MRM3: variants seen among roughly 807,000 people sequenced by gnomAD.
MRM3 encodes the protein rRNA methyltransferase 3, mitochondrial.
In MRM3, 26 loss-of-function variants were observed where a neutral mutation model predicts 29.4. The observed-to-expected ratio is 0.89, with a 90% CI of 0.65 to 1.23. The LOEUF (loss-of-function observed/expected upper bound fraction) is 1.23. Among genes scored for constraint, MRM3 ranks in the 50% most tolerant of loss-of-function variants. The pLI, the probability that MRM3 is intolerant of heterozygous loss-of-function variation, is 0.00. For synonymous variants in MRM3, 225 were observed against 219.0 expected (o/e 1.03, Z -0.24); for missense variants, 578 against 540.2 (o/e 1.07, Z -0.69).
At position 783,175 on chromosome 17, in the gene MRM3, A is replaced by G; in HGVS notation, c.407A>G (p.Lys136Arg). 6.2e-7 allele frequency: 1 copy of G among 1,614,158 alleles called. No homozygotes were observed. Among genetic ancestry groups the G allele is most frequent in the Non-Finnish European group, 8.5e-7 (1 of 1,180,036 alleles). ...CGCAGGCTCATTTCAGACGCTCTCA[A>G]GGCTGGAGCTGTGCCAAAAATGTTC... is the stretch of plus-strand genomic sequence containing the variant. ...EGRRLISDAL[K>R]AGAVPKMFFF... is the part of the protein sequence containing the mutation. Residue 136 changes from lysine (K) to arginine (R), a missense_variant, in exon 2 of 4, where the codon AAG (lysine) becomes AGG (arginine). Lys to Arg is a conservative substitution (Grantham distance 26). Transcript: ENST00000304478.
chr17:788,471 TC>T (rs1188351149), intron 3 of MRM3, among the ~76,000 whole-genome samples: 3 of 147,404 alleles, frequency 2.0e-5, no homozygotes, highest in East Asian at 4.0e-4. Flanking sequence ...GTTGGTCTGG[TC>T]TTTTTTTTTT....
chr17:783,857 CCTT>C (rs1217758500), intron 2 of MRM3, among the ~76,000 whole-genome samples: 2 of 152,140 alleles, frequency 1.3e-5, no homozygotes, highest in African/African-American at 2.4e-5. Flanking sequence ...ATTCCTCAAA[CCTT>C]CTATTTTTTA....
intron 2 of MRM3, among the ~76,000 whole-genome samples, chr17:786,467 G>A (rs186871986): frequency 2.0e-5 from 3 of 152,240 alleles, no homozygotes; most frequent in East Asian, 1.9e-4. Flanking sequence ...AGTAGAGACA[G>A]GGTTTCACCG....
At position 791,838 on chromosome 17, in the gene MRM3, G is replaced by A. The variant is rs201597165; in HGVS notation, c.1032G>A (p.Ser344=). 1.9e-6 allele frequency: 3 copies of A among 1,614,172 alleles called. No individual in the cohort carries two copies. Among genetic ancestry groups the A allele is most frequent in the African/African-American group, 2.7e-5 (2 of 75,042 alleles). ...LPHVEVQSYD[S]DWTEAPAAVV... is the part of the protein sequence containing the mutation. ...ATGTTGAGGTTCAGAGTTACGACTCGGACTGGACAGAGGCGCCGGCAGCTG... is the reference window on the plus strand; with the variant it reads ...ATGTTGAGGTTCAGAGTTACGACTCAGACTGGACAGAGGCGCCGGCAGCTG... The change falls in exon 4 of 4, where the codon TCG becomes TCA. Residue 344 remains serine (S), a synonymous_variant. Transcript: ENST00000304478.
intron 3 of MRM3, among the ~76,000 whole-genome samples, chr17:791,142 C>T (rs1297502471): frequency 6.6e-6 from 1 of 152,138 alleles, no homozygotes; most frequent in East Asian, 1.9e-4. Context: ...TCCTCATCGC[C>T]CTGCTTTGTC....
At chr17:785,892 G>T (rs895496461) in intron 2 of MRM3, among the ~76,000 whole-genome samples, 1 of 152,182 alleles carries the variant, frequency 6.6e-6, no homozygotes, top group Non-Finnish European at 1.5e-5. Flanking sequence ...AGGAAGATGG[G>T]CACAGGTTGT....
chr17:787,541 T>G lies in MRM3; in HGVS notation c.560-424T>G, dbSNP rs1400635182. ...TTTGCCAATCAGAATGTATTCGTGG[T>G]TTTTTTTTTCCTTTTTTTTCTTTTT... On this transcript the variant is annotated intron_variant, in intron 2 of 3. Transcript: ENST00000304478. The surrounding 1 kb of genome is among the most constrained non-coding windows in gnomAD (Gnocchi z 4.1). Among the ~76,000 whole-genome samples, 1 of 149,334 alleles carries G rather than the reference T, an allele frequency of 6.7e-6. No individual in the cohort carries two copies. The highest frequency in any genetic ancestry group is 2.1e-4 in the South Asian group (1 of 4,712).
Position 782,369 on chromosome 17 carries a change from C to A in MRM3, c.-10C>A. Reference sequence around the variant, plus strand: ...CGCGCTTTCGTGACGCAGCCCGGGTCTCAGGGAACATGGCGGCGCTGGTGA... The same window carrying A: ...CGCGCTTTCGTGACGCAGCCCGGGTATCAGGGAACATGGCGGCGCTGGTGA... On this transcript the variant is annotated 5_prime_UTR_variant, in exon 1 of 4. Transcript: ENST00000304478. The A allele has an allele frequency of 6.2e-7, 1 of 1,613,524 alleles. No homozygotes were observed. Among genetic ancestry groups the A allele is most frequent in the South Asian group, 1.1e-5 (1 of 91,034 alleles).
intron 3 of MRM3, among the ~76,000 whole-genome samples, chr17:789,134 A>G (rs901472184): frequency 6.6e-6 from 1 of 152,308 alleles, no homozygotes; most frequent in Admixed American, 6.5e-5. Flanking sequence ...CATGTTTATT[A>G]TCTTTTAAAA....
chr17:791,024 G>A (rs535512760), intron 3 of MRM3, among the ~76,000 whole-genome samples: 25 of 152,156 alleles, frequency 1.6e-4, no homozygotes, highest in Middle Eastern at 3.4e-3. Context: ...CTGATTGGCC[G>A]GCTCACCATG....
intron 2 of MRM3, among the ~76,000 whole-genome samples, chr17:786,569 C>T (rs1910544743): frequency 6.6e-6 from 1 of 152,248 alleles, no homozygotes; most frequent in South Asian, 2.1e-4. Flanking sequence ...GCTACCGTGC[C>T]TGGCCTAATT....
intron 3 of MRM3, among the ~76,000 whole-genome samples, chr17:788,764 G>T (rs566039084): frequency 9.7e-4 from 147 of 152,196 alleles, no homozygotes; most frequent in African/African-American, 3.4e-3. Flanking sequence ...CCATTGTTAG[G>T]TGAGCTAGGG....
rs539226065 is a variant in MRM3, at chr17:791,569, G to T, written c.763G>T (p.Ala255Ser). 13 of 1,614,126 alleles carry T rather than the reference G, an allele frequency of 8.1e-6. No homozygotes were observed. In the African/African-American group the frequency reaches 9.3e-5, roughly 12 times the overall value. ...TGCCTGGGAGCCCAAAGTGCTCCGG[G>T]CGGGTATGGGCGCACATTTCCGGAT... Reference protein sequence around the residue: ...VDAWEPKVLRAGMGAHFRMPI... With the variant: ...VDAWEPKVLRSGMGAHFRMPI... Residue 255 changes from alanine (A) to serine (S), a missense_variant, in exon 4 of 4, where the codon GCG (alanine) becomes TCG (serine). Coordinates refer to ENST00000304478, the MANE Select transcript of MRM3 (RefSeq NM_018146.4).
intron 3 of MRM3, among the ~76,000 whole-genome samples, chr17:789,207 C>G (rs1035732338): frequency 6.6e-6 from 1 of 152,094 alleles, no homozygotes; most frequent in Non-Finnish European, 1.5e-5. Context: ...GAAATAGATG[C>G]CAATTTTAAC....
intron 3 of MRM3, among the ~76,000 whole-genome samples, chr17:788,509 T>C (rs965703366): frequency 6.8e-6 from 1 of 146,482 alleles, no homozygotes; most frequent in Non-Finnish European, 1.5e-5. Context: ...AGAGATGGGG[T>C]CTCACTATGT....
chr17:788,095 A>G lies in MRM3; in HGVS notation c.690A>G (p.Ala230=). The change falls in exon 3 of 4, where the codon GCA becomes GCG. Residue 230 remains alanine, a synonymous_variant. Transcript: ENST00000304478. ...ACCTGGGGACAATTCTGAGATCTGCAGCTGGGGCAGGCTGCAGCAAAGTGT... is the reference window on the plus strand; with the variant it reads ...ACCTGGGGACAATTCTGAGATCTGCGGCTGGGGCAGGCTGCAGCAAAGTGT... The part of the protein sequence containing the change: ...PGNLGTILRS[A]AGAGCSKVLL... 6.2e-7 allele frequency: 1 copy of G among 1,614,212 alleles called. No individual in the cohort carries two copies. Among genetic ancestry groups the G allele is most frequent in the Admixed American group, 1.7e-5 (1 of 60,020 alleles).
At position 787,797 on chromosome 17, in the gene MRM3, C is replaced by T. The variant is rs1910608709; in HGVS notation, c.560-168C>T. Reference sequence around the variant, plus strand: ...CTCCTGACCTCAGGTGATCCACCCGCCTTGGCCTCCCGAAGTGTTGGGATT... The same window carrying T: ...CTCCTGACCTCAGGTGATCCACCCGTCTTGGCCTCCCGAAGTGTTGGGATT... On this transcript the variant is annotated intron_variant, in intron 2 of 3. Transcript: ENST00000304478. This position sits in a 1 kb window ranked among gnomAD's most constrained non-coding sequence, Gnocchi z 4.1. 6.6e-6 allele frequency among the ~76,000 whole-genome samples: 1 copy of T among 152,220 alleles called. No homozygotes were observed. Among genetic ancestry groups the T allele is most frequent in the Non-Finnish European group, 1.5e-5 (1 of 68,026 alleles).
rs144615077 is a variant in MRM3 at position 791,886 on chromosome 17, C to T, written c.1080C>T (p.Tyr360=). The T allele has an allele frequency of 9.9e-6, 16 of 1,613,736 alleles. No individual in the cohort carries two copies. The highest frequency in any genetic ancestry group is 1.7e-5 in the Admixed American group (1 of 60,006). ...PAAVVIGGET[Y]GVSLESLQLA... Reference sequence around the variant, plus strand: ...CTGTGGTGATTGGCGGGGAGACCTACGGCGTGAGCCTGGAGTCCCTGCAGC... The same window carrying T: ...CTGTGGTGATTGGCGGGGAGACCTATGGCGTGAGCCTGGAGTCCCTGCAGC... The change falls in exon 4 of 4, where the codon TAC becomes TAT. Residue 360 remains tyrosine (Y), a synonymous_variant. Coordinates refer to ENST00000304478, the MANE Select transcript of MRM3 (RefSeq NM_018146.4).
intron 3 of MRM3, among the ~76,000 whole-genome samples, chr17:788,372 A>G (rs1910636786): frequency 6.6e-6 from 1 of 151,960 alleles, no homozygotes; most frequent in Non-Finnish European, 1.5e-5. Context: ...GTCAAAGCTC[A>G]TCACATGTCA....
Sources: allele counts gnomAD v4.1 joint callset (sites outside exome capture counted in the v4.1 genomes callset), GRCh38; gene constraint gnomAD v4.1.1; non-coding constraint Gnocchi (gnomAD v3.1); transcripts MANE v1.5; gene names NCBI Gene and HGNC (gene_info 2026-07-23, HGNC 2026-07-21).